The following ZCCHC10 variants were observed in gnomAD, a reference collection of about 807,000 sequenced individuals.
The protein encoded by ZCCHC10 is zinc finger CCHC domain-containing protein 10.
ZCCHC10 carries 16 observed loss-of-function variants against 19.5 expected under a neutral mutation model. That is an observed-to-expected ratio of 0.82 (90% CI 0.56 to 1.25). The LOEUF (loss-of-function observed/expected upper bound fraction) is 1.25. Among genes scored for constraint, ZCCHC10 ranks in the 50% most tolerant of loss-of-function variants. The probability of loss-of-function intolerance (pLI) is 0.00; values close to 1 mark genes in which losing one functional copy is unlikely to be tolerated. For synonymous variants in ZCCHC10, 67 were observed against 72.5 expected (o/e 0.92, Z 0.38); for missense variants, 197 against 201.0 (o/e 0.98, Z 0.12).
intron 3 of ZCCHC10, 95 bp from the exon 4 acceptor site, chr5:133,000,268 T>C: frequency 7.3e-7 from 1 of 1,365,338 alleles, no homozygotes; most frequent in South Asian, 1.3e-5. Context: ...CATTTTACTC[T>C]GGAGAAAGAT....
intron 2 of ZCCHC10, among the ~76,000 whole-genome samples, chr5:133,020,001 G>C (rs774502957): frequency 2.0e-5 from 3 of 150,358 alleles, no homozygotes; most frequent in Non-Finnish European, 3.0e-5. Context: ...CATAAAAGAT[G>C]ATCATTTATC....
chr5:133,026,379 A>G (rs1764714991), intron 1 of ZCCHC10, 118 bp downstream of exon 1: 1 of 1,410,416 alleles, frequency 7.1e-7, no homozygotes, highest in Non-Finnish European at 9.8e-7. Context: ...GGGAGCCAGA[A>G]GAGTGTTTGA....
chr5:132,998,985 A>G, intron 4 of ZCCHC10, 135 bp from the exon 5 acceptor site: 1 of 1,134,396 alleles, frequency 8.8e-7, no homozygotes, highest in Non-Finnish European at 1.2e-6. Flanking sequence ...GCACAATCTC[A>G]GCTCACTGCA....
In ZCCHC10 at chr5:133,006,683, T is replaced by G. The variant is rs761912462; in HGVS notation, c.269+76A>C. The G allele has an allele frequency of 7.3e-6, 10 of 1,370,228 alleles. No individual in the cohort carries two copies. In the South Asian group the frequency reaches 1.4e-4, roughly 19 times the overall value. The allele number at this position is 1,370,228 out of a possible 1,614,324, so 84.9% of individuals were successfully genotyped here. On this transcript the variant is annotated intron_variant, in intron 3 of 4. Coordinates refer to ENST00000509437, the MANE Select transcript of ZCCHC10 (RefSeq NM_001300816.3). ...ATAATTAAAATCTGGAGAACCACCA[T>G]GAAACGTTTGGTCCTTTAATAAATT...
chr5:133,020,725 A>ATT (rs1034342401), intron 2 of ZCCHC10, among the ~76,000 whole-genome samples: 1 of 146,398 alleles, frequency 6.8e-6, no homozygotes, highest in Admixed American at 6.9e-5. Flanking sequence ...GAAACTAAAA[A>ATT]TTTTTTTTTT....
intron 1 of ZCCHC10, among the ~76,000 whole-genome samples, chr5:133,026,222 C>G (rs1355551470): frequency 1.3e-5 from 2 of 152,190 alleles, no homozygotes; most frequent in African/African-American, 4.8e-5. Flanking sequence ...ACTGAGTGAC[C>G]AACTGTGGGC....
At chr5:133,021,038 A>T (rs1764272555) in intron 2 of ZCCHC10, among the ~76,000 whole-genome samples, 1 of 152,146 alleles carries the variant, frequency 6.6e-6, no homozygotes, top group Admixed American at 6.6e-5. Context: ...CTGGGACTAC[A>T]GGCACCCGCC....
At chr5:133,000,277 A>AT (rs1204394897) in intron 3 of ZCCHC10, 104 bp from the exon 4 acceptor site, 10 of 1,331,094 alleles carry the variant, frequency 7.5e-6, no homozygotes, top group Non-Finnish European at 9.4e-6. Flanking sequence ...CTGGAGAAAG[A>AT]TTCTGTGTTT....
chr5:133,003,263 C>A (rs10045512), intron 3 of ZCCHC10: 117,908 of 446,126 alleles, frequency 0.26, 17,668 homozygotes, highest in African/African-American at 0.48. Context: ...GACAGAAAGA[C>A]TAACCCAGAG....
In ZCCHC10 at chr5:133,012,486, T is replaced by G. The variant is rs1001116787; in HGVS notation, c.108-5566A>C. Among the ~76,000 whole-genome samples, 20 of 144,970 alleles carry G rather than the reference T, an allele frequency of 1.4e-4. 1 individual carries two copies. Among genetic ancestry groups the G allele is most frequent in the Non-Finnish European group, 1.1e-4 (7 of 65,988 alleles). ...CCATCTCAAAGAAAAAAAAAAAGTG[T>G]ACAGAAATTCAAAAGGCCAGTAACA... On this transcript the variant is annotated intron_variant, in intron 2 of 4. Coordinates refer to ENST00000509437, the MANE Select transcript of ZCCHC10 (RefSeq NM_001300816.3).
intron 2 of ZCCHC10, among the ~76,000 whole-genome samples, chr5:133,009,592 C>T (rs1372447811): frequency 3.4e-5 from 4 of 118,604 alleles, no homozygotes; most frequent in South Asian, 2.5e-4. Context: ...CTGGCCTGGG[C>T]GACAGAGTAA....
chr5:133,007,260 C>T (rs12152956), intron 2 of ZCCHC10, among the ~76,000 whole-genome samples: 140 of 152,038 alleles, frequency 9.2e-4, no homozygotes, highest in Non-Finnish European at 1.5e-3. Flanking sequence ...TAGGAGTTTC[C>T]GGCTGGGTGT....
At chr5:133,010,529 A>C (rs531199155) in intron 2 of ZCCHC10, among the ~76,000 whole-genome samples, 1 of 152,338 alleles carries the variant, frequency 6.6e-6, no homozygotes, top group South Asian at 2.1e-4. Context: ...ATGAGCCTCC[A>C]AAAACAGGTA....
At chr5:133,001,950 A>C (rs1242906662) in intron 3 of ZCCHC10, among the ~76,000 whole-genome samples, 1 of 145,662 alleles carries the variant, frequency 6.9e-6, no homozygotes, top group Non-Finnish European at 1.5e-5. Flanking sequence ...AAAATTCAGC[A>C]ATCTTTTTTT....
At chr5:133,020,540 T>C (rs866429936) in intron 2 of ZCCHC10, among the ~76,000 whole-genome samples, 8 of 151,764 alleles carry the variant, frequency 5.3e-5, no homozygotes, top group Non-Finnish European at 1.0e-4. Flanking sequence ...GGAGAATCAT[T>C]TGAGCCAGGA....
At chr5:133,003,332 C>T (rs1172715730) in intron 3 of ZCCHC10, 2 of 408,074 alleles carry the variant, frequency 4.9e-6, no homozygotes, top group Non-Finnish European at 9.8e-6. Flanking sequence ...ATGTGGATTA[C>T]AGCAAATTGA....
At chr5:133,026,278 C>T (rs560534793) in intron 1 of ZCCHC10, among the ~76,000 whole-genome samples, 4 of 152,360 alleles carry the variant, frequency 2.6e-5, no homozygotes, top group South Asian at 2.1e-4. Context: ...TCAAACCCCG[C>T]TCTGTCCCGT....
chr5:133,002,062 T>C (rs1762813874), intron 3 of ZCCHC10, among the ~76,000 whole-genome samples: 1 of 125,366 alleles, frequency 8.0e-6, no homozygotes, highest in Non-Finnish European at 1.6e-5. Flanking sequence ...CCCGGGTTCA[T>C]GCCATTTCCT....
rs1224857090 is a variant in ZCCHC10 at position 133,022,884 on chromosome 5, C to G, written c.64G>C (p.Val22Leu). 1.6e-6 allele frequency: 1 copy of G among 611,864 alleles called. No homozygotes were observed. The highest frequency in any genetic ancestry group is 2.9e-6 in the Non-Finnish European group (1 of 344,634). 37.9% of individuals were successfully genotyped at this position (611,864 alleles called of 1,614,324 possible). Residue 22 changes from valine to leucine, a missense_variant, in exon 2 of 5, where the codon GTC becomes CTC. Val to Leu is a conservative substitution (Grantham distance 32). Coordinates refer to ENST00000509437, the MANE Select transcript of ZCCHC10 (RefSeq NM_001300816.3). The part of the protein sequence containing the change: ...RQAFDTELQP[V>L]KTFWILIQPS... ...TGAATCAGGATCCAAAAGGTCTTGACAGGCTGCAACTCTGTGTCGAATCTA... is the reference window on the plus strand; with the variant it reads ...TGAATCAGGATCCAAAAGGTCTTGAGAGGCTGCAACTCTGTGTCGAATCTA...
Sources: gnomAD v4.1 joint callset for allele counts (sites outside exome capture counted in the v4.1 genomes callset) on GRCh38, gnomAD v4.1.1 for gene constraint, MANE v1.5 for transcripts, NCBI Gene and HGNC (gene_info 2026-07-23, HGNC 2026-07-21) for gene names.